Variants in NCAPD3 observed in about 807,000 individuals in gnomAD.
The protein encoded by NCAPD3 is condensin-2 complex subunit D3.
A neutral mutation model predicts 182.9 loss-of-function variants in NCAPD3; 105 were observed. The observed-to-expected ratio is 0.57, with a 90% confidence interval of 0.49 to 0.68. NCAPD3 has a LOEUF of 0.68. NCAPD3 is among the 30% of genes least tolerant of loss of function. The pLI is 0.00. For missense variants in NCAPD3, 1,944 were observed against 1,837.0 expected (o/e 1.06, Z -1.07); for synonymous variants, 815 against 679.9 (o/e 1.20, Z -3.09).
intron 32 of NCAPD3, 190 bp from the exon 33 acceptor site, chr11:134,153,553 C>G: frequency 1.6e-6 from 1 of 628,708 alleles, no homozygotes; most frequent in South Asian, 1.8e-5. Flanking sequence ...CTTTCCGTCT[C>G]TCTGACCCCC....
At chr11:134,181,212 A>T in intron 19 of NCAPD3, 28 bp from the exon 20 acceptor site, 1 of 1,484,310 alleles carries the variant, frequency 6.7e-7, no homozygotes, top group East Asian at 2.3e-5. Flanking sequence ...TCATCTCTGA[A>T]GGGCCCCGCA....
chr11:134,166,002 C>T (rs1203536008), intron 27 of NCAPD3, among the ~76,000 whole-genome samples: 1 of 123,614 alleles, frequency 8.1e-6, no homozygotes, highest in African/African-American at 3.2e-5. Context: ...GAGAGCAGCA[C>T]ACTCACTTGT....
intron 2 of NCAPD3, among the ~76,000 whole-genome samples, chr11:134,219,370 T>C (rs141319036): frequency 0.01 from 1,533 of 152,266 alleles, 35 homozygotes; most frequent in African/African-American, 0.034. Flanking sequence ...CACTGAACTC[T>C]CCACCCCCTG....
In NCAPD3 at chr11:134,176,362, A is replaced by C. The variant is rs139669316; in HGVS notation, c.3046T>G (p.Ser1016Ala). The part of the protein sequence containing the change: ...LQEEFVKWKG[S>A]LFFRFVSTLI... ...GTGCTGACAAATCGGAAGAACAGGG[A>C]GCCCTTCCATTTCACAAATTCCTCC... Residue 1016 changes from serine to alanine, a missense_variant, in exon 24 of 35, where the codon TCC (serine) becomes GCC (alanine). This residue lies in a region of NCAPD3 where 1,803 missense variants were observed against 1,674.6 expected (regional missense o/e 1.08). Transcript: ENST00000534548. 51 of 1,613,908 alleles carry C rather than the reference A, an allele frequency of 3.2e-5. No individual in the cohort carries two copies. The highest frequency in any genetic ancestry group is 4.0e-5 in the African/African-American group (3 of 74,914).
At chr11:134,196,848 C>T (rs1000305315) in intron 13 of NCAPD3, among the ~76,000 whole-genome samples, 19 of 152,128 alleles carry the variant, frequency 1.2e-4, no homozygotes, top group African/African-American at 4.3e-4. Flanking sequence ...CTTTCCAGCT[C>T]ATCTTAGGTG....
At chr11:134,167,046 C>A (rs1224868133) in intron 27 of NCAPD3, among the ~76,000 whole-genome samples, 3 of 108,452 alleles carry the variant, frequency 2.8e-5, no homozygotes, top group Non-Finnish European at 5.4e-5. Context: ...GGGAGCTGCA[C>A]ACTCACTAGT....
chr11:134,161,678 G>A (rs955960326), intron 28 of NCAPD3, 103 bp downstream of exon 28: 96 of 731,386 alleles, frequency 1.3e-4, no homozygotes, highest in Non-Finnish European at 2.2e-4. Flanking sequence ...AGAATTTGGG[G>A]TTCTAATCAT....
intron 19 of NCAPD3, among the ~76,000 whole-genome samples, chr11:134,182,823 G>A (rs1386995460): frequency 6.6e-6 from 1 of 152,268 alleles, no homozygotes; most frequent in Non-Finnish European, 1.5e-5. Flanking sequence ...ACAGAGAAAA[G>A]AAAAGGAGAA....
Position 134,210,403 on chromosome 11 carries a change from T to A in NCAPD3, c.434A>T (p.Gln145Leu). Reference protein sequence around the residue: ...FHPVMFDKCIQTLKKSWPQES... With the variant: ...FHPVMFDKCILTLKKSWPQES... ...CTGGGGCCAGCTCTTCTTTAGAGTCTGAATGCATTTGTCAAACATCACTGG... is the reference window on the plus strand; with the variant it reads ...CTGGGGCCAGCTCTTCTTTAGAGTCAGAATGCATTTGTCAAACATCACTGG... The change falls in exon 4 of 35, where the codon CAG (glutamine) becomes CTG (leucine). Residue 145 changes from glutamine (Q) to leucine (L), a missense_variant. Around this residue, in one of 3 missense-constraint regions of NCAPD3, gnomAD observed 1,803 missense variants for 1,674.6 expected, o/e 1.08. Coordinates refer to ENST00000534548, the MANE Select transcript of NCAPD3 (RefSeq NM_015261.3). The A allele has an allele frequency of 6.2e-7, 1 of 1,614,200 alleles. No individual in the cohort carries two copies. The highest frequency in any genetic ancestry group is 8.5e-7 in the Non-Finnish European group (1 of 1,180,002).
chr11:134,206,601 G>T lies in NCAPD3; in HGVS notation c.1014C>A (p.Ile338=). Residue 338 remains isoleucine (I), a splice_region_variant and synonymous_variant, in exon 8 of 35, where the codon ATC becomes ATA. Transcript: ENST00000534548. ...AATTCACGATTTGTGTGCTTCACCTGATAAACTGGACCGCCTGGTTTCTAC... is the reference window on the plus strand; with the variant it reads ...AATTCACGATTTGTGTGCTTCACCTTATAAACTGGACCGCCTGGTTTCTAC... ...INCRNQAVQF[I]SALVDELKES... The T allele has an allele frequency of 6.2e-7, 1 of 1,613,444 alleles. No individual in the cohort carries two copies. The highest frequency in any genetic ancestry group is 8.5e-7 in the Non-Finnish European group (1 of 1,179,720).
At chr11:134,181,854 G>A (rs1409706569) in intron 19 of NCAPD3, among the ~76,000 whole-genome samples, 1 of 152,112 alleles carries the variant, frequency 6.6e-6, no homozygotes, top group Non-Finnish European at 1.5e-5. Context: ...TTTTATTTTA[G>A]GAATGATGAC....
At chr11:134,202,679 A>G in intron 13 of NCAPD3, 137 bp downstream of exon 13, 2 of 605,878 alleles carry the variant, frequency 3.3e-6, no homozygotes, top group South Asian at 5.6e-5. Context: ...ATGAGTCACC[A>G]CGCCCAGCCA....
chr11:134,178,356 A>C, intron 22 of NCAPD3: 1 of 261,412 alleles, frequency 3.8e-6, no homozygotes, highest in Admixed American at 5.4e-5. Context: ...GTATAATTGT[A>C]ATAAATTAAC....
chr11:134,167,499 C>A (rs1484250586), intron 27 of NCAPD3, among the ~76,000 whole-genome samples: 2 of 141,486 alleles, frequency 1.4e-5, no homozygotes, highest in African/African-American at 2.7e-5. Flanking sequence ...GGGAGGCGCA[C>A]ACTCGTGAGA....
At chr11:134,209,726 GCTGT>G (rs1937758197) in intron 4 of NCAPD3, 1 of 410,248 alleles carries the variant, frequency 2.4e-6, no homozygotes, top group Non-Finnish European at 4.3e-6. Flanking sequence ...CAGAATTTTT[GCTGT>G]CTATGAAATT....
In NCAPD3 at chr11:134,204,298, G is replaced by A. The variant is rs770928642; in HGVS notation, c.1090-127C>T. 7.7e-6 allele frequency: 8 copies of A among 1,040,904 alleles called. No homozygotes were observed. The highest frequency in any genetic ancestry group is 1.1e-5 in the Non-Finnish European group (8 of 742,918). 64.5% of individuals were successfully genotyped at this position (1,040,904 alleles called of 1,614,324 possible). ...AATGACCTTTAAATGTTACGTAAAT[G>A]ACTAATAAATTTTAGGTTTTAGAAC... On this transcript the variant is annotated intron_variant, in intron 9 of 34. Coordinates refer to ENST00000534548, the MANE Select transcript of NCAPD3 (RefSeq NM_015261.3). The surrounding 1 kb of genome is among the most constrained non-coding windows in gnomAD (Gnocchi z 4.3).
At chr11:134,164,898 G>A (rs996621058) in intron 27 of NCAPD3, among the ~76,000 whole-genome samples, 3 of 150,198 alleles carry the variant, frequency 2.0e-5, no homozygotes, top group South Asian at 4.3e-4. Context: ...ATGAGCTTAG[G>A]GGGAGCTGCA....
rs750563766 is a variant in NCAPD3, at chr11:134,185,396, C to A, written c.2176G>T (p.Ala726Ser). The A allele has an allele frequency of 6.2e-7, 1 of 1,613,946 alleles. No homozygotes were observed. Among genetic ancestry groups the A allele is most frequent in the Non-Finnish European group, 8.5e-7 (1 of 1,179,940 alleles). ...TAGTCCAGCCTGGGTGAGGAGCCAG[C>A]AATCTTGGAGAGCAGCATCCAGGCA... Reference protein sequence around the residue: ...APAWMLLSKIAGSSPRLDYSR... With the variant: ...APAWMLLSKISGSSPRLDYSR... Residue 726 changes from alanine to serine, a missense_variant, in exon 17 of 35, where the codon GCT becomes TCT. Around this residue, in one of 3 missense-constraint regions of NCAPD3, gnomAD observed 1,803 missense variants for 1,674.6 expected, o/e 1.08. Coordinates refer to ENST00000534548, the MANE Select transcript of NCAPD3 (RefSeq NM_015261.3).
chr11:134,194,152 T>C lies in NCAPD3; in HGVS notation c.1690-2A>G. On this transcript the variant is annotated splice_acceptor_variant, in intron 14 of 34. Transcript: ENST00000534548. LOFTEE classifies it high-confidence loss of function. ...GTGTTTCAAAATACTCACTAATACC[T>C]AGAAGGCATAGACGCAACATGAACT... 6.2e-7 allele frequency: 1 copy of C among 1,613,672 alleles called. No homozygotes were observed. The highest frequency in any genetic ancestry group is 8.5e-7 in the Non-Finnish European group (1 of 1,179,806).
Sources: allele counts gnomAD v4.1 joint callset (sites outside exome capture counted in the v4.1 genomes callset), GRCh38; gene constraint gnomAD v4.1.1; regional missense constraint gnomAD v4.1.1; non-coding constraint Gnocchi (gnomAD v3.1); transcripts MANE v1.5; gene names NCBI Gene and HGNC (gene_info 2026-07-23, HGNC 2026-07-21).